The following LAMC2 variants were observed in gnomAD, a reference collection of about 807,000 sequenced individuals.
The protein encoded by LAMC2 is laminin subunit gamma 2, also known as laminin subunit gamma-2.
LAMC2 carries 97 observed loss-of-function variants against 140.2 expected under a neutral mutation model. The ratio of observed to expected loss-of-function variants is 0.69; its 90% CI spans 0.59 to 0.82. LAMC2 has a LOEUF of 0.82. Ranked by LOEUF, LAMC2 falls within the 40% of genes least tolerant of loss-of-function variation. The pLI is 0.00. For missense variants in LAMC2, 1,402 were observed against 1,476.1 expected, an observed-to-expected ratio of 0.95 and a Z score of 0.82; for synonymous variants, 513 against 540.2, an observed-to-expected ratio of 0.95 and a Z score of 0.70.
At chr1:183,240,545 C>A in intron 22 of LAMC2, 154 bp downstream of exon 22, 1 of 1,453,022 alleles carries the variant, frequency 6.9e-7, no homozygotes, top group Non-Finnish European at 9.0e-7. Flanking sequence ...TAACTTTCGG[C>A]AGGTTCCCTT....
At chr1:183,255,271 CT>C in the LAMC2 span, among the ~76,000 whole-genome samples, 1 of 152,274 alleles carries the variant, frequency 6.6e-6, no homozygotes, top group East Asian at 1.9e-4. Context: ...TTCCACTGCT[CT>C]ATGTGTCTGC....
intron 1 of LAMC2, among the ~76,000 whole-genome samples, chr1:183,190,579 AG>A (rs566520110): frequency 2.0e-5 from 3 of 152,244 alleles, no homozygotes; most frequent in Admixed American, 6.5e-5. Flanking sequence ...GACCCTACAA[AG>A]ATCATCTCTC....
the LAMC2 span, chr1:183,252,602 G>A: frequency 7.3e-7 from 1 of 1,360,944 alleles, no homozygotes; most frequent in Non-Finnish European, 1.1e-6. Context: ...GGCTGACAAA[G>A]ATGGAGGGGC....
rs1660035264 is a variant in LAMC2, at chr1:183,238,530, A to G, written c.2869+109A>G. 16 of 730,366 alleles carry G rather than the reference A, an allele frequency of 2.2e-5. No individual in the cohort carries two copies. In the South Asian group the frequency reaches 2.2e-4, roughly 10 times the overall value. The allele number at this position is 730,366 out of a possible 1,614,324, so 45.2% of individuals were successfully genotyped here. A position where few individuals can be genotyped will look rare whatever the true frequency, so the allele number is the denominator to read the frequency against. On this transcript the variant is annotated intron_variant, in intron 19 of 22. Transcript: ENST00000264144. ...TAAGTGGCAGGTATATTGGGATATT[A>G]ATAGATCCTTAGTAAATATCTTTCT...
At chr1:183,202,453 C>T (rs941100724) in intron 1 of LAMC2, among the ~76,000 whole-genome samples, 5 of 152,024 alleles carry the variant, frequency 3.3e-5, no homozygotes, top group Admixed American at 1.3e-4. Flanking sequence ...CGATGAGGTA[C>T]TTTGGAAATA....
At chr1:183,225,001 A>T (rs540508315) in intron 7 of LAMC2, among the ~76,000 whole-genome samples, 15 of 152,264 alleles carry the variant, frequency 9.9e-5, no homozygotes, top group Non-Finnish European at 2.1e-4. Context: ...TGCACAGTCA[A>T]CTTTTATTTA....
intron 2 of LAMC2, among the ~76,000 whole-genome samples, chr1:183,214,051 A>T (rs59369849): frequency 0.22 from 33,718 of 151,648 alleles, 4,012 homozygotes; most frequent in East Asian, 0.35. Context: ...AAAAAAAAAA[A>T]ATACAGATTA....
chr1:183,206,466 G>A (rs1050906168), intron 1 of LAMC2, among the ~76,000 whole-genome samples: 10 of 152,086 alleles, frequency 6.6e-5, no homozygotes, highest in Middle Eastern at 3.2e-3. Context: ...CAACACTGGC[G>A]AAACCCCATC....
chr1:183,248,891 A>AGTGTGTGTGTGT (rs71555406), downstream of LAMC2: 3 of 142,644 alleles, frequency 2.1e-5, no homozygotes, highest in Non-Finnish European at 3.1e-5. Context: ...CCCCTAAAAG[A>AGTGTGTGTGTGT]GTGTGTGTGT....
chr1:183,226,568 A>G, intron 8 of LAMC2, 130 bp from the exon 9 acceptor site: 1 of 806,172 alleles, frequency 1.2e-6, no homozygotes, highest in Non-Finnish European at 2.1e-6. Flanking sequence ...ATACCTCTCT[A>G]CATGGCATGA....
At chr1:183,190,636 G>A (rs889311004) in intron 1 of LAMC2, among the ~76,000 whole-genome samples, 1 of 151,980 alleles carries the variant, frequency 6.6e-6, no homozygotes, top group Non-Finnish European at 1.5e-5. Flanking sequence ...GAAAGGATTT[G>A]GACAACTTGA....
At chr1:183,187,422 T>G (rs1658189004) in intron 1 of LAMC2, among the ~76,000 whole-genome samples, 1 of 152,102 alleles carries the variant, frequency 6.6e-6, no homozygotes, top group Admixed American at 6.5e-5. Flanking sequence ...CTACAGTCCT[T>G]TTTGTCTAAA....
chr1:183,191,559 T>G (rs147415371), intron 1 of LAMC2, among the ~76,000 whole-genome samples: 1 of 151,600 alleles, frequency 6.6e-6, no homozygotes, highest in East Asian at 1.9e-4. Flanking sequence ...AATCATCTAT[T>G]AGAGATCAGT....
chr1:183,247,966 A>G (rs1466087788), downstream of LAMC2, among the ~76,000 whole-genome samples: 1 of 152,252 alleles, frequency 6.6e-6, no homozygotes, highest in African/African-American at 2.4e-5. Flanking sequence ...ACACTGGACT[A>G]TGCAAATTAG....
intron 4 of LAMC2, among the ~76,000 whole-genome samples, chr1:183,219,888 C>T (rs568306567): frequency 7.9e-5 from 12 of 152,204 alleles, no homozygotes; most frequent in Non-Finnish European, 1.8e-4. Flanking sequence ...AATCTTGCCT[C>T]AGCCATGTAC....
chr1:183,256,035 A>G, the LAMC2 span, among the ~76,000 whole-genome samples: 1 of 151,790 alleles, frequency 6.6e-6, no homozygotes, highest in Non-Finnish European at 1.5e-5. Context: ...TTCTTGCTTT[A>G]TATCAGGTCT....
chr1:183,214,483 A>G (rs2102208323), intron 2 of LAMC2, among the ~76,000 whole-genome samples: 1 of 152,308 alleles, frequency 6.6e-6, no homozygotes, highest in South Asian at 2.1e-4. Flanking sequence ...GCTGCTTAGC[A>G]CTTTGCCTGA....
At chr1:183,247,695 G>C (rs1660267875), downstream of LAMC2, among the ~76,000 whole-genome samples, 1 of 152,152 alleles carries the variant, frequency 6.6e-6, no homozygotes. Flanking sequence ...TTAGCTAATG[G>C]CAATCACCAT....
At chr1:183,257,787 T>G in the LAMC2 span, among the ~76,000 whole-genome samples, 5 of 135,194 alleles carry the variant, frequency 3.7e-5, no homozygotes, top group South Asian at 2.2e-4. Context: ...GTCAATTTTG[T>G]TTTTTTTTTT....
Sources: allele counts gnomAD v4.1 joint callset (sites outside exome capture counted in the v4.1 genomes callset), GRCh38; gene constraint gnomAD v4.1.1; transcripts MANE v1.5; gene names NCBI Gene and HGNC (gene_info 2026-07-23, HGNC 2026-07-21).